MRAS: variants seen among roughly 807,000 people sequenced by gnomAD.
The protein encoded by MRAS is ras-related protein M-Ras.
In MRAS, 4 loss-of-function variants were observed where a neutral mutation model predicts 20.9. The observed-to-expected ratio is 0.19, with a 90% confidence interval of 0.09 to 0.44. The LOEUF (loss-of-function observed/expected upper bound fraction) is 0.44, where lower values mean the gene tolerates loss of function less well. MRAS is among the 20% of genes least tolerant of loss of function. The probability of loss-of-function intolerance (pLI) is 0.99; values close to 1 mark genes in which losing one functional copy is unlikely to be tolerated. For synonymous variants in MRAS, 98 were observed against 102.9 expected (o/e 0.95, Z 0.29); for missense variants, 154 against 277.5 (o/e 0.56, Z 3.16).
In MRAS at chr3:138,373,079, G is replaced by A. The variant is rs752656360; in HGVS notation, c.193+3G>A. ...CAATCAATGGGCCATCTTGGACGGT[G>A]AGACCTGGGTGGCAGCCCTGCATTG... is the stretch of plus-strand genomic sequence containing the variant. On this transcript the variant is annotated splice_donor_region_variant and intron_variant, in intron 2 of 5. Coordinates refer to ENST00000423968, the MANE Select transcript of MRAS (RefSeq NM_001085049.3). The A allele has an allele frequency of 1.4e-6, 2 of 1,464,054 alleles. No individual in the cohort carries two copies. The highest frequency in any genetic ancestry group is 5.3e-5 in the Admixed American group (2 of 37,678). The allele number at this position is 1,464,054 out of a possible 1,614,324, so 90.7% of individuals were successfully genotyped here. A position where few individuals can be genotyped will look rare whatever the true frequency, so the allele number is the denominator to read the frequency against.
At chr3:138,369,865 A>G (rs2054638058) in intron 1 of MRAS, among the ~76,000 whole-genome samples, 1 of 152,228 alleles carries the variant, frequency 6.6e-6, no homozygotes, top group South Asian at 2.1e-4. Context: ...TGCCGACTCA[A>G]AGGTTCATTC....
At chr3:138,386,788 C>T (rs972280540) in intron 2 of MRAS, among the ~76,000 whole-genome samples, 2 of 152,196 alleles carry the variant, frequency 1.3e-5, no homozygotes, top group African/African-American at 4.8e-5. Flanking sequence ...CGGCCATATA[C>T]TACATTTTGT....
intron 2 of MRAS, among the ~76,000 whole-genome samples, chr3:138,391,479 A>C (rs972719551): frequency 6.6e-6 from 1 of 152,226 alleles, no homozygotes; most frequent in African/African-American, 2.4e-5. Flanking sequence ...ATCTGAAAGG[A>C]TTCAAAATCT....
intron 2 of MRAS, among the ~76,000 whole-genome samples, chr3:138,381,206 G>T (rs1172650729): frequency 6.6e-6 from 1 of 152,242 alleles, no homozygotes; most frequent in African/African-American, 2.4e-5. Context: ...TATGAGCATG[G>T]TATATAAATA....
chr3:138,357,776 G>A (rs1024278896), intron 1 of MRAS, among the ~76,000 whole-genome samples: 1 of 152,118 alleles, frequency 6.6e-6, no homozygotes, highest in Non-Finnish European at 1.5e-5. Flanking sequence ...CATCCACCAA[G>A]GGCTTTTAAG....
At chr3:138,393,358 A>C (rs1200621148) in intron 2 of MRAS, among the ~76,000 whole-genome samples, 1 of 152,100 alleles carries the variant, frequency 6.6e-6, no homozygotes, top group Non-Finnish European at 1.5e-5. Flanking sequence ...AACTTACTGC[A>C]CTGGCCTTAA....
At chr3:138,369,336 A>T (rs187396223) in intron 1 of MRAS, among the ~76,000 whole-genome samples, 80 of 152,322 alleles carry the variant, frequency 5.3e-4, no homozygotes, top group Non-Finnish European at 7.6e-4. Flanking sequence ...CAGGGCTCAA[A>T]GCGCAGGTGG....
At chr3:138,381,183 T>G (rs948992606) in intron 2 of MRAS, among the ~76,000 whole-genome samples, 3 of 152,274 alleles carry the variant, frequency 2.0e-5, no homozygotes, top group Admixed American at 2.0e-4. Context: ...TTTGCTGTTA[T>G]GAATAACGCT....
chr3:138,367,712 C>T (rs959316471), intron 1 of MRAS, among the ~76,000 whole-genome samples: 4 of 152,218 alleles, frequency 2.6e-5, no homozygotes, highest in Non-Finnish European at 5.9e-5. Flanking sequence ...GTGTTGGGCT[C>T]TGCCTGGCCC....
intron 2 of MRAS, 47 bp downstream of exon 2, chr3:138,373,123 G>C: frequency 7.3e-7 from 1 of 1,364,922 alleles, no homozygotes; most frequent in South Asian, 1.9e-5. Flanking sequence ...AGTAGATGGG[G>C]AGGATCAGGG....
At chr3:138,369,595 G>C (rs1252229877) in intron 1 of MRAS, among the ~76,000 whole-genome samples, 1 of 152,166 alleles carries the variant, frequency 6.6e-6, no homozygotes, top group Non-Finnish European at 1.5e-5. Context: ...GCACTGAAAG[G>C]GTTTTCACAA....
chr3:138,389,381 G>C (rs2055081980), intron 2 of MRAS, among the ~76,000 whole-genome samples: 1 of 151,620 alleles, frequency 6.6e-6, no homozygotes, highest in Non-Finnish European at 1.5e-5. Flanking sequence ...CAGACTTGGA[G>C]GAACAGATGA....
intron 1 of MRAS, among the ~76,000 whole-genome samples, chr3:138,372,659 TAA>T (rs1465265328): frequency 6.6e-6 from 1 of 152,222 alleles, no homozygotes; most frequent in Non-Finnish European, 1.5e-5. Flanking sequence ...TGGTGTTGAA[TAA>T]ATGATGGTTG....
At chr3:138,361,836 C>T (rs1359128048) in intron 1 of MRAS, among the ~76,000 whole-genome samples, 1 of 152,204 alleles carries the variant, frequency 6.6e-6, no homozygotes, top group Admixed American at 6.5e-5. Flanking sequence ...TGCAGGAGTC[C>T]TCCTCTTTCA....
intron 2 of MRAS, among the ~76,000 whole-genome samples, chr3:138,375,056 T>A (rs2054755041): frequency 6.6e-6 from 1 of 152,124 alleles, no homozygotes; most frequent in Non-Finnish European, 1.5e-5. Context: ...TAATATTTTA[T>A]TTTTTTGTGA....
chr3:138,357,134 A>G (rs756825732), intron 1 of MRAS, among the ~76,000 whole-genome samples: 1 of 152,224 alleles, frequency 6.6e-6, no homozygotes, highest in Non-Finnish European at 1.5e-5. Flanking sequence ...TTTAACAGGA[A>G]CTTTTTCTAT....
chr3:138,366,365 T>C (rs1320103862), intron 1 of MRAS, among the ~76,000 whole-genome samples: 1 of 152,252 alleles, frequency 6.6e-6, no homozygotes, highest in Non-Finnish European at 1.5e-5. Context: ...AGAGCTCCAT[T>C]AATTATGAAT....
chr3:138,375,936 C>T (rs759453968), intron 2 of MRAS, among the ~76,000 whole-genome samples: 8 of 151,806 alleles, frequency 5.3e-5, no homozygotes, highest in Non-Finnish European at 1.0e-4. Context: ...TGCAGTGAGC[C>T]GAGACTGCGC....
chr3:138,397,071 G>T lies in MRAS; in HGVS notation c.194-253G>T, dbSNP rs778539499. ...GAATTTAGGCCTAGTAAGCACATGG[G>T]GTGAAACTGGAGGAGAAGGGTTTGG... On this transcript the variant is annotated intron_variant, in intron 2 of 5. Transcript: ENST00000423968. Among the ~76,000 whole-genome samples, 46 of 152,134 alleles carry T rather than the reference G, an allele frequency of 3.0e-4. 1 individual carries two copies. Among genetic ancestry groups the T allele is most frequent in the Non-Finnish European group, 6.3e-4 (43 of 68,014 alleles).
Sources: allele counts gnomAD v4.1 joint callset (sites outside exome capture counted in the v4.1 genomes callset), GRCh38; gene constraint gnomAD v4.1.1; transcripts MANE v1.5; gene names NCBI Gene and HGNC (gene_info 2026-07-23, HGNC 2026-07-21).